Variants in BNC2 observed in about 807,000 individuals in gnomAD.
BNC2 encodes the protein zinc finger protein basonuclin-2.
In BNC2, 20 loss-of-function variants were observed where a neutral mutation model predicts 76.3. The observed-to-expected ratio is 0.26, with a 90% confidence interval of 0.18 to 0.38. The LOEUF is 0.38. Ranked by LOEUF, BNC2 falls within the 10% of genes least tolerant of loss-of-function variation. The pLI, the probability that BNC2 is intolerant of heterozygous loss-of-function variation, is 1.00. For missense variants in BNC2, 1,382 were observed against 1,399.8 expected (o/e 0.99, Z 0.20); for synonymous variants, 582 against 514.8 (o/e 1.13, Z -1.77).
At chr9:16,509,278 C>A (rs1311360928) in intron 5 of BNC2, among the ~76,000 whole-genome samples, 1 of 152,188 alleles carries the variant, frequency 6.6e-6, no homozygotes, top group African/African-American at 2.4e-5. Flanking sequence ...ACACTTAAAT[C>A]CTCAAATTCT....
chr9:16,734,320 C>T (rs1361610336), intron 2 of BNC2, among the ~76,000 whole-genome samples: 2 of 152,170 alleles, frequency 1.3e-5, no homozygotes, highest in Non-Finnish European at 2.9e-5. Flanking sequence ...TCTTAAAAAC[C>T]TGGGACATGA....
chr9:16,680,760 G>T (rs1394711157), intron 3 of BNC2, among the ~76,000 whole-genome samples: 1 of 151,704 alleles, frequency 6.6e-6, no homozygotes, highest in African/African-American at 2.4e-5. Context: ...TATCAATACA[G>T]ATTCCAAGCA....
Position 16,419,283 on chromosome 9 carries a change from C to T in BNC2, c.3006G>A (p.Ser1002=), listed in dbSNP as rs141433324. The T allele has an allele frequency of 1.7e-5, 27 of 1,614,012 alleles. No individual in the cohort carries two copies. The highest frequency in any genetic ancestry group is 1.9e-5 in the Non-Finnish European group (22 of 1,180,008). The change falls in exon 7 of 7, where the codon TCG becomes TCA. Residue 1002 remains serine (S), a synonymous_variant. Coordinates refer to ENST00000380672, the MANE Select transcript of BNC2 (RefSeq NM_017637.6). ...DIDGASDSGE[S]AHKAEAPALP... ...GGGCAGGGGCCTCGGCCTTGTGTGCCGACTCCCCACTGTCACTCGCCCCGT... is the reference window on the plus strand; with the variant it reads ...GGGCAGGGGCCTCGGCCTTGTGTGCTGACTCCCCACTGTCACTCGCCCCGT...
chr9:16,657,512 C>T (rs1468720329), intron 3 of BNC2, among the ~76,000 whole-genome samples: 1 of 152,078 alleles, frequency 6.6e-6, no homozygotes, highest in Non-Finnish European at 1.5e-5. Flanking sequence ...GAAGAGGAAA[C>T]AAATTTTTTA....
intron 1 of BNC2, among the ~76,000 whole-genome samples, chr9:16,776,701 A>T (rs943926702): frequency 2.0e-5 from 3 of 152,228 alleles, no homozygotes; most frequent in Non-Finnish European, 4.4e-5. Context: ...AGAATAATTT[A>T]AAAAATTAAA....
chr9:16,446,185 T>A (rs1438231877), intron 5 of BNC2, among the ~76,000 whole-genome samples: 2 of 152,144 alleles, frequency 1.3e-5, no homozygotes, highest in Non-Finnish European at 2.9e-5. Context: ...TGACCTTGGC[T>A]CACTCTTATT....
At chr9:16,720,694 T>C (rs74455310) in intron 3 of BNC2, among the ~76,000 whole-genome samples, 1 of 152,108 alleles carries the variant, frequency 6.6e-6, no homozygotes. Flanking sequence ...GGATCAATTC[T>C]TTTTTTTAAT....
At chr9:16,601,730 T>C (rs533227053) in intron 3 of BNC2, among the ~76,000 whole-genome samples, 1 of 152,266 alleles carries the variant, frequency 6.6e-6, no homozygotes, top group East Asian at 1.9e-4. Context: ...AAATGATTAA[T>C]ATGACTAATC....
chr9:16,505,434 G>A (rs140517877), intron 5 of BNC2, among the ~76,000 whole-genome samples: 1 of 152,298 alleles, frequency 6.6e-6, no homozygotes, highest in East Asian at 1.9e-4. Flanking sequence ...ATCTATGAAG[G>A]TGAAAACACA....
intron 2 of BNC2, among the ~76,000 whole-genome samples, chr9:16,734,785 C>G (rs1824616235): frequency 6.6e-6 from 1 of 152,200 alleles, no homozygotes; most frequent in Admixed American, 6.5e-5. Flanking sequence ...GTGCTGAAGA[C>G]TTCATTACAT....
At position 16,419,318 on chromosome 9, in the gene BNC2, C is replaced by G; in HGVS notation, c.2971G>C (p.Asp991His). ...CTGTCACTCGCCCCGTCAATGTCAT[C>G]GAGAAGAATCCCCTCATCGCTGCCT... Reference protein sequence around the residue: ...DAGSDEGILLDDIDGASDSGE... With the variant: ...DAGSDEGILLHDIDGASDSGE... The change falls in exon 7 of 7, where the codon GAT becomes CAT. Residue 991 changes from aspartate to histidine, a missense_variant. Transcript: ENST00000380672. 1 of 1,613,432 alleles carries G rather than the reference C, an allele frequency of 6.2e-7. No individual in the cohort carries two copies. Among genetic ancestry groups the G allele is most frequent in the South Asian group, 1.1e-5 (1 of 91,078 alleles).
intron 1 of BNC2, among the ~76,000 whole-genome samples, chr9:16,852,671 A>C (rs1819155600): frequency 1.3e-5 from 2 of 152,176 alleles, no homozygotes; most frequent in Admixed American, 1.3e-4. Context: ...GAAAAAAATC[A>C]GGGTAAGAGA....
chr9:16,566,794 A>C (rs1412893616), intron 4 of BNC2, among the ~76,000 whole-genome samples: 1 of 152,228 alleles, frequency 6.6e-6, no homozygotes, highest in South Asian at 2.1e-4. Flanking sequence ...TAAGACTGTA[A>C]GAAGAGCATC....
intron 5 of BNC2, among the ~76,000 whole-genome samples, chr9:16,479,553 T>C (rs1051708083): frequency 3.2e-4 from 48 of 152,368 alleles, no homozygotes; most frequent in African/African-American, 1.1e-3. Context: ...TGAGCACTTA[T>C]GTATCTACCA....
chr9:16,749,535 A>G (rs181808941), intron 1 of BNC2, among the ~76,000 whole-genome samples: 96 of 152,226 alleles, frequency 6.3e-4, no homozygotes, highest in Middle Eastern at 3.4e-3. Context: ...TCCCATCGCT[A>G]CAAAAAAATT....
chr9:16,430,037 T>C (rs1307999383), intron 6 of BNC2: 3 of 491,116 alleles, frequency 6.1e-6, no homozygotes, highest in South Asian at 1.5e-5. Flanking sequence ...ACACTGAAGT[T>C]TATCTTACTA....
chr9:16,560,102 C>G, intron 4 of BNC2, among the ~76,000 whole-genome samples: 1 of 152,184 alleles, frequency 6.6e-6, no homozygotes, highest in East Asian at 1.9e-4. Context: ...CCTGTTGAAA[C>G]AGACTGCTGG....
At chr9:16,540,053 C>G (rs1037380457) in intron 5 of BNC2, among the ~76,000 whole-genome samples, 7 of 151,828 alleles carry the variant, frequency 4.6e-5, no homozygotes, top group Non-Finnish European at 7.4e-5. Context: ...AAGTTTTAAC[C>G]AGATGTCTCA....
At chr9:16,605,689 A>G (rs1820363614) in intron 3 of BNC2, among the ~76,000 whole-genome samples, 1 of 152,212 alleles carries the variant, frequency 6.6e-6, no homozygotes, top group Non-Finnish European at 1.5e-5. Context: ...TTACAGCACA[A>G]CAGAGACCAG....
Sources: gnomAD v4.1 joint callset for allele counts (sites outside exome capture counted in the v4.1 genomes callset) on GRCh38, gnomAD v4.1.1 for gene constraint, MANE v1.5 for transcripts, NCBI Gene and HGNC (gene_info 2026-07-23, HGNC 2026-07-21) for gene names.